IMPG1: variants seen among roughly 807,000 people sequenced by gnomAD.
IMPG1 encodes the protein interphotoreceptor matrix proteoglycan 1.
In IMPG1, 85 loss-of-function variants were observed where a neutral mutation model predicts 92.0. That is an observed-to-expected ratio of 0.92 (90% CI 0.78 to 1.11). The LOEUF is 1.11. Among genes scored for constraint, IMPG1 ranks in the 50% least tolerant of loss-of-function variants. The pLI, the probability that IMPG1 is intolerant of heterozygous loss-of-function variation, is 0.00. For synonymous variants in IMPG1, 367 were observed against 334.1 expected (o/e 1.10, Z -1.08); for missense variants, 1,022 against 956.0 (o/e 1.07, Z -0.91).
chr6:76,005,759 T>A (rs1242587659), intron 9 of IMPG1, among the ~76,000 whole-genome samples: 2 of 151,566 alleles, frequency 1.3e-5, no homozygotes, highest in African/African-American at 4.8e-5. Flanking sequence ...AGGAGGGAGG[T>A]CAGTCCACCT....
intron 16 of IMPG1, among the ~76,000 whole-genome samples, chr6:75,923,198 A>C (rs1256246238): frequency 6.6e-6 from 1 of 152,074 alleles, no homozygotes; most frequent in Non-Finnish European, 1.5e-5. Flanking sequence ...AACTTTTACG[A>C]ATTTTTGAAG....
At chr6:76,055,314 T>C (rs1285244059) in intron 1 of IMPG1, among the ~76,000 whole-genome samples, 1 of 152,066 alleles carries the variant, frequency 6.6e-6, no homozygotes, top group Non-Finnish European at 1.5e-5. Context: ...ATAACCCATA[T>C]GTCAAAGAAG....
chr6:76,046,978 C>T (rs1440949260), intron 1 of IMPG1, among the ~76,000 whole-genome samples: 2 of 152,144 alleles, frequency 1.3e-5, no homozygotes, highest in Admixed American at 1.3e-4. Context: ...TCAGCAATAG[C>T]ATGAAATCAC....
At chr6:75,924,000 C>A (rs1582042809) in intron 15 of IMPG1, among the ~76,000 whole-genome samples, 1 of 152,044 alleles carries the variant, frequency 6.6e-6, no homozygotes, top group African/African-American at 2.4e-5. Flanking sequence ...TGAAAAACAA[C>A]TCTGTAATGG....
intron 1 of IMPG1, among the ~76,000 whole-genome samples, chr6:76,063,631 C>T (rs1582138930): frequency 6.6e-6 from 1 of 152,204 alleles, no homozygotes; most frequent in South Asian, 2.1e-4. Flanking sequence ...CAGTGGCAGG[C>T]ACGATTCTTG....
At chr6:76,026,573 C>T (rs915825443) in intron 4 of IMPG1, among the ~76,000 whole-genome samples, 2 of 152,212 alleles carry the variant, frequency 1.3e-5, no homozygotes, top group Admixed American at 6.5e-5. Flanking sequence ...TGGCTTGTTC[C>T]CAGCTATGCA....
Position 75,933,681 on chromosome 6 carries a change from C to T in IMPG1, c.2045-2530G>A, listed in dbSNP as rs116609209. Among the ~76,000 whole-genome samples, 303 of 152,290 alleles carry T rather than the reference C, an allele frequency of 2.0e-3. 1 individual carries two copies. The highest frequency in any genetic ancestry group is 6.9e-3 in the African/African-American group (287 of 41,554). ...CATCCCAGTAGATTCTGGCTGTATTCAGAAGAGACATGTCGTTGCATTTCA... is the reference window on the plus strand; with the variant it reads ...CATCCCAGTAGATTCTGGCTGTATTTAGAAGAGACATGTCGTTGCATTTCA... On this transcript the variant is annotated intron_variant, in intron 14 of 16. Transcript: ENST00000369950.
chr6:75,931,836 G>A (rs1195183388), intron 14 of IMPG1, among the ~76,000 whole-genome samples: 3 of 152,188 alleles, frequency 2.0e-5, no homozygotes, highest in African/African-American at 7.2e-5. Flanking sequence ...TCTTTGGGAA[G>A]TGGATTAGAA....
intron 1 of IMPG1, among the ~76,000 whole-genome samples, chr6:76,052,897 G>A (rs1225927581): frequency 6.6e-6 from 1 of 152,140 alleles, no homozygotes; most frequent in Non-Finnish European, 1.5e-5. Context: ...CACTAAGATT[G>A]TCAACCAGCT....
At chr6:75,971,089 C>A (rs907735181) in intron 12 of IMPG1, among the ~76,000 whole-genome samples, 1 of 151,940 alleles carries the variant, frequency 6.6e-6, no homozygotes, top group Non-Finnish European at 1.5e-5. Context: ...CAATGATAGA[C>A]TGGATTAAGA....
chr6:75,970,058 A>T (rs1007626795), intron 12 of IMPG1, among the ~76,000 whole-genome samples: 1 of 152,156 alleles, frequency 6.6e-6, no homozygotes, highest in African/African-American at 2.4e-5. Context: ...TGAGGATGGG[A>T]TAGAAGGATA....
At chr6:75,941,960 G>A (rs898494718) in intron 14 of IMPG1, among the ~76,000 whole-genome samples, 2 of 152,148 alleles carry the variant, frequency 1.3e-5, no homozygotes, top group African/African-American at 2.4e-5. Context: ...GGTGTTTCTG[G>A]AGGCTGGGGG....
chr6:75,962,102 C>A (rs6918604), intron 12 of IMPG1, among the ~76,000 whole-genome samples: 1 of 148,772 alleles, frequency 6.7e-6, no homozygotes, highest in Non-Finnish European at 1.5e-5. Context: ...GCAATTGTAC[C>A]AATTTTTAAA....
At chr6:76,001,731 G>A (rs2149476459) in intron 12 of IMPG1, among the ~76,000 whole-genome samples, 1 of 152,316 alleles carries the variant, frequency 6.6e-6, no homozygotes, top group African/African-American at 2.4e-5. Flanking sequence ...ATGGAGCAGA[G>A]AAAAGCTGTC....
At position 76,069,736 on chromosome 6, in the gene IMPG1, T is replaced by C. The variant is rs568954433; in HGVS notation, c.67+2686A>G. Among the ~76,000 whole-genome samples the C allele has an allele frequency of 7.1e-3, 437 of 61,250 alleles. 4 individuals are homozygous for C. Among genetic ancestry groups the C allele is most frequent in the African/African-American group, 0.023 (422 of 18,036 alleles). The allele number at this position is 61,250 out of a possible 152,430, so 40.2% of individuals were successfully genotyped here. A position where few individuals can be genotyped will look rare whatever the true frequency, so the allele number is the denominator to read the frequency against. ...ATGGAATCAACCTAGGTGCCCATCA[T>C]TGGTTGATCAAAAAAAAAAAAATGT... On this transcript the variant is annotated intron_variant, in intron 1 of 16. Transcript: ENST00000369950.
Position 76,042,032 on chromosome 6 carries a change from C to A in IMPG1, c.162G>T (p.Met54Ile). 5 of 1,612,382 alleles carry A rather than the reference C, an allele frequency of 3.1e-6. No homozygotes were observed. The highest frequency in any genetic ancestry group is 4.2e-6 in the Non-Finnish European group (5 of 1,178,552). The change falls in exon 2 of 17, where the codon ATG (methionine) becomes ATT (isoleucine). Residue 54 changes from methionine to isoleucine, a missense_variant. By Grantham distance (10) the Met-to-Ile change is conservative. Coordinates refer to ENST00000369950, the MANE Select transcript of IMPG1 (RefSeq NM_001563.4). Reference protein sequence around the residue: ...TTESTEKMYKMSTMRRIFDLA... With the variant: ...TTESTEKMYKISTMRRIFDLA... Reference sequence around the variant, plus strand: ...AATCGAATATTCGTCTCATAGTTGACATTTTGTACATTTTTTCAGTACTTT... The same window carrying A: ...AATCGAATATTCGTCTCATAGTTGAAATTTTGTACATTTTTTCAGTACTTT...
At chr6:75,926,594 G>T in intron 15 of IMPG1, among the ~76,000 whole-genome samples, 1 of 152,180 alleles carries the variant, frequency 6.6e-6, no homozygotes, top group East Asian at 1.9e-4. Context: ...GTAGGCCTAT[G>T]AAATTAAAGG....
chr6:76,026,900 G>A (rs1344218758), intron 4 of IMPG1, among the ~76,000 whole-genome samples: 3 of 152,140 alleles, frequency 2.0e-5, no homozygotes, highest in African/African-American at 4.8e-5. Context: ...GCAAGACTTT[G>A]CCTTATGGAA....
At chr6:75,974,393 T>TCCTTGCTTGCTTCC (rs1562354842) in intron 12 of IMPG1, among the ~76,000 whole-genome samples, 3 of 65,008 alleles carry the variant, frequency 4.6e-5, no homozygotes, top group Admixed American at 1.9e-4. Context: ...CTTTCTTTCT[T>TCCTTGCTTGCTTCC]TTCTTTCTTT....
Sources: allele counts gnomAD v4.1 joint callset (sites outside exome capture counted in the v4.1 genomes callset), GRCh38; gene constraint gnomAD v4.1.1; transcripts MANE v1.5; gene names NCBI Gene and HGNC (gene_info 2026-07-23, HGNC 2026-07-21).